AK7: variants seen among roughly 807,000 people sequenced by gnomAD.
AK7 encodes the protein adenylate kinase 7.
A neutral mutation model predicts 96.6 loss-of-function variants in AK7; 78 were observed. The observed-to-expected ratio is 0.81, with a 90% CI of 0.67 to 0.97. AK7 has a LOEUF of 0.97. Ranked by LOEUF, AK7 falls within the 50% of genes least tolerant of loss-of-function variation. The pLI is 0.00. For missense variants in AK7, 855 were observed against 887.9 expected, an observed-to-expected ratio of 0.96 and a Z score of 0.47; for synonymous variants, 302 against 317.2, an observed-to-expected ratio of 0.95 and a Z score of 0.51.
chr14:96,400,305 G>A lies in AK7; in HGVS notation c.294+2042G>A, dbSNP rs1890336103. On this transcript the variant is annotated intron_variant, in intron 2 of 17. Transcript: ENST00000267584. ...TCTGCCCACCTTGGCCTCCCAAAGT[G>A]CTGGGATTACAGGCCTGAGCCACCA... 2.0e-5 allele frequency among the ~76,000 whole-genome samples: 3 copies of A among 152,078 alleles called. No homozygotes were observed. In the South Asian group the frequency reaches 6.2e-4, roughly 32 times the overall value.
chr14:96,408,735 G>C, intron 3 of AK7, 112 bp from the exon 4 acceptor site: 1 of 858,510 alleles, frequency 1.2e-6, no homozygotes, highest in Non-Finnish European at 1.9e-6. Context: ...AAGCATCAGA[G>C]GTAACAGCAC....
intron 5 of AK7, among the ~76,000 whole-genome samples, chr14:96,433,632 G>A (rs1048445178): frequency 3.9e-5 from 6 of 152,040 alleles, no homozygotes; most frequent in Admixed American, 6.6e-5. Context: ...CCTTTAGCTC[G>A]GAGAAGTTTG....
intron 4 of AK7, among the ~76,000 whole-genome samples, chr14:96,415,715 TA>T: frequency 7.9e-6 from 1 of 127,338 alleles, no homozygotes; most frequent in Non-Finnish European, 1.7e-5. Flanking sequence ...AATATTAATT[TA>T]TTATTAATAA....
At chr14:96,420,789 A>T (rs757212675) in intron 4 of AK7, 33 bp from the exon 5 acceptor site, 1 of 1,491,958 alleles carries the variant, frequency 6.7e-7, no homozygotes, top group East Asian at 2.3e-5. Context: ...CTAATTCACC[A>T]AGTCTGTACC....
rs1467603285 is a variant in AK7, at chr14:96,483,111, G to A, written c.1866G>A (p.Glu622=). Residue 622 remains glutamate, a synonymous_variant, in exon 16 of 18, where the codon GAG becomes GAA. Transcript: ENST00000267584. Reference sequence around the variant, plus strand: ...CAGACGAAGAAAAGGCAGAAGAGGAGCGGAAGGCTGCGGAGGAGCGGCTGG... The same window carrying A: ...CAGACGAAGAAAAGGCAGAAGAGGAACGGAAGGCTGCGGAGGAGCGGCTGG... ...GLTDEEKAEE[E]RKAAEERLAR... is the part of the protein sequence containing the mutation. The A allele has an allele frequency of 6.2e-7, 1 of 1,614,188 alleles. No homozygotes were observed. Among genetic ancestry groups the A allele is most frequent in the Admixed American group, 1.7e-5 (1 of 60,028 alleles).
chr14:96,429,283 G>C (rs1005286477), intron 5 of AK7, among the ~76,000 whole-genome samples: 1 of 152,018 alleles, frequency 6.6e-6, no homozygotes, highest in Non-Finnish European at 1.5e-5. Flanking sequence ...GATGTGTGGT[G>C]TTATTTCTGA....
At chr14:96,431,828 T>C (rs1009449779) in intron 5 of AK7, among the ~76,000 whole-genome samples, 2 of 152,204 alleles carry the variant, frequency 1.3e-5, no homozygotes, top group African/African-American at 4.8e-5. Context: ...ACCTTCTGTC[T>C]CATTGATGTG....
chr14:96,398,537 T>G (rs1890221909), intron 2 of AK7: 1 of 453,222 alleles, frequency 2.2e-6, no homozygotes, highest in Non-Finnish European at 4.0e-6. Context: ...TTCAGCATAT[T>G]CTGCCTTGCA....
At position 96,442,874 on chromosome 14, in the gene AK7, T is replaced by C. The variant is rs985736217; in HGVS notation, c.779+56T>C. The C allele has an allele frequency of 3.3e-6, 5 of 1,500,362 alleles. No homozygotes were observed. In the Admixed American group the frequency reaches 6.7e-5, roughly 20 times the overall value. The allele number at this position is 1,500,362 out of a possible 1,614,324, so 92.9% of individuals were successfully genotyped here. The stretch of plus-strand genomic sequence containing the variant: ...CAGAATTGGTTAATGTGTTTGTTTG[T>C]AGCCTAATACTTTTTGAGCATTTGC... On this transcript the variant is annotated intron_variant, in intron 7 of 17. Transcript: ENST00000267584.
At chr14:96,475,960 C>G (rs961368209) in intron 14 of AK7, among the ~76,000 whole-genome samples, 2 of 143,830 alleles carry the variant, frequency 1.4e-5, no homozygotes, top group Non-Finnish European at 3.0e-5. Flanking sequence ...GCCTGGGTGA[C>G]AGTGAGACCC....
At chr14:96,400,945 C>T (rs1050763415) in intron 2 of AK7, among the ~76,000 whole-genome samples, 4 of 152,186 alleles carry the variant, frequency 2.6e-5, no homozygotes, top group Middle Eastern at 3.2e-3. Flanking sequence ...ATTATGCACT[C>T]GCCTTCCATC....
At chr14:96,463,814 A>AAGG (rs1245314253) in intron 12 of AK7, among the ~76,000 whole-genome samples, 1 of 152,000 alleles carries the variant, frequency 6.6e-6, no homozygotes, top group Non-Finnish European at 1.5e-5. Flanking sequence ...CACAATGATA[A>AAGG]CCAAGAGAAC....
Position 96,398,165 on chromosome 14 carries a change from G to A in AK7, c.196G>A (p.Ala66Thr). 6.2e-7 allele frequency: 1 copy of A among 1,614,148 alleles called. No homozygotes were observed. Among genetic ancestry groups the A allele is most frequent in the Non-Finnish European group, 8.5e-7 (1 of 1,180,028 alleles). ...EDENKSAMLE[A>T]SSTKVKEGTF... ...TGAAAATAAGTCAGCTATGCTGGAAGCTTCCTCAACCAAAGTGAAGGAAGG... is the reference window on the plus strand; with the variant it reads ...TGAAAATAAGTCAGCTATGCTGGAAACTTCCTCAACCAAAGTGAAGGAAGG... Residue 66 changes from alanine to threonine, a missense_variant, in exon 2 of 18, where the codon GCT becomes ACT. Ala to Thr is a moderately conservative substitution (Grantham distance 58). Coordinates refer to ENST00000267584, the MANE Select transcript of AK7 (RefSeq NM_152327.5).
At chr14:96,393,444 CAGAA>C (rs770314688) in intron 1 of AK7, among the ~76,000 whole-genome samples, 7 of 152,198 alleles carry the variant, frequency 4.6e-5, no homozygotes, top group Admixed American at 2.0e-4. Context: ...TTCTTGAGGG[CAGAA>C]GTCCAAGATC....
In AK7 at chr14:96,442,698, G is replaced by A. The variant is rs776529954; in HGVS notation, c.691-32G>A. 8 of 1,550,664 alleles carry A rather than the reference G, an allele frequency of 5.2e-6. No individual in the cohort carries two copies. The South Asian group carries it at 5.6e-5, about 11-fold the overall frequency. Reference sequence around the variant, plus strand: ...CTGTAATAGCCATCCACATATAACTGGGGGACATGATTTTGCTTTTCTTCC... The same window carrying A: ...CTGTAATAGCCATCCACATATAACTAGGGGACATGATTTTGCTTTTCTTCC... On this transcript the variant is annotated intron_variant, in intron 6 of 17. Coordinates refer to ENST00000267584, the MANE Select transcript of AK7 (RefSeq NM_152327.5).
chr14:96,423,763 G>A (rs1035808909), intron 5 of AK7: 16 of 730,302 alleles, frequency 2.2e-5, no homozygotes, highest in Middle Eastern at 3.5e-4. Context: ...AACACGTGCC[G>A]GCCACCGGGA....
intron 1 of AK7, among the ~76,000 whole-genome samples, chr14:96,396,469 G>C (rs1890090836): frequency 6.6e-6 from 1 of 152,158 alleles, no homozygotes. Flanking sequence ...AATTGAATAT[G>C]TATGTTTGAG....
intron 8 of AK7, among the ~76,000 whole-genome samples, chr14:96,447,497 T>C (rs1893312847): frequency 6.6e-6 from 1 of 151,960 alleles, no homozygotes; most frequent in Non-Finnish European, 1.5e-5. Flanking sequence ...ATTCTTTTTC[T>C]TTTTTTGTCA....
At chr14:96,416,229 C>CA (rs972103336) in intron 4 of AK7, among the ~76,000 whole-genome samples, 48 of 151,630 alleles carry the variant, frequency 3.2e-4, no homozygotes, top group African/African-American at 8.7e-4. Context: ...ACTAAAAATA[C>CA]AAAAAAAATT....
Sources: allele counts gnomAD v4.1 joint callset (sites outside exome capture counted in the v4.1 genomes callset), GRCh38; gene constraint gnomAD v4.1.1; transcripts MANE v1.5; gene names NCBI Gene and HGNC (gene_info 2026-07-23, HGNC 2026-07-21).